The following LEKR1 variants were observed in gnomAD, a reference collection of about 807,000 sequenced individuals.
LEKR1 encodes the protein leucine, glutamate and lysine rich 1, also known as protein LEKR1.
LEKR1 carries 59 observed loss-of-function variants against 72.4 expected under a neutral mutation model. The ratio of observed to expected loss-of-function variants is 0.82; its 90% confidence interval spans 0.66 to 1.01. The LOEUF is 1.01. Among genes scored for constraint, LEKR1 ranks in the 50% least tolerant of loss-of-function variants. The probability of loss-of-function intolerance (pLI) is 0.00; values close to 1 mark genes in which losing one functional copy is unlikely to be tolerated. For missense variants in LEKR1, 728 were observed against 759.2 expected (o/e 0.96, Z 0.48); for synonymous variants, 257 against 263.2 (o/e 0.98, Z 0.23).
At chr3:156,857,650 C>A (rs1026678276) in intron 3 of LEKR1, among the ~76,000 whole-genome samples, 5 of 152,084 alleles carry the variant, frequency 3.3e-5, no homozygotes, top group Non-Finnish European at 7.4e-5. Context: ...TGTTGACACT[C>A]AAGAAGTTTT....
intron 2 of LEKR1, among the ~76,000 whole-genome samples, chr3:156,837,049 G>A (rs1713240463): frequency 6.6e-6 from 1 of 152,058 alleles, no homozygotes; most frequent in Non-Finnish European, 1.5e-5. Flanking sequence ...CTTTAATTAT[G>A]GAGAATAAAA....
At position 157,000,829 on chromosome 3, in the gene LEKR1, T is replaced by A. The variant is rs545878427; in HGVS notation, c.1109+7552T>A. On this transcript the variant is annotated intron_variant, in intron 9 of 12. Transcript: ENST00000356539. ...CCCAAATCTCATCTTGAATTGTAAT[T>A]CCCATAATCTCCAGGTGTCAAGGGA... 8.5e-5 allele frequency among the ~76,000 whole-genome samples: 13 copies of A among 152,306 alleles called. No homozygotes were observed. The South Asian group carries it at 2.7e-3, about 32-fold the overall frequency.
chr3:156,890,233 A>T (rs1188985497), intron 3 of LEKR1, among the ~76,000 whole-genome samples: 1 of 152,192 alleles, frequency 6.6e-6, no homozygotes, highest in African/African-American at 2.4e-5. Flanking sequence ...AAACATTTTA[A>T]TATCAATAAA....
chr3:156,835,362 C>T (rs1712966674), intron 2 of LEKR1, among the ~76,000 whole-genome samples: 1 of 152,202 alleles, frequency 6.6e-6, no homozygotes, highest in Admixed American at 6.5e-5. Flanking sequence ...TGGAGCCCTT[C>T]AAGGAACAGG....
intron 2 of LEKR1, among the ~76,000 whole-genome samples, chr3:156,844,393 C>G (rs1714309576): frequency 6.6e-6 from 1 of 152,022 alleles, no homozygotes; most frequent in Non-Finnish European, 1.5e-5. Flanking sequence ...TAACATCTGG[C>G]AAAACTAAAG....
intron 7 of LEKR1, among the ~76,000 whole-genome samples, chr3:156,981,239 T>C (rs542017944): frequency 3.7e-4 from 57 of 152,216 alleles, no homozygotes; most frequent in Non-Finnish European, 6.5e-4. Flanking sequence ...ACCCCTGTTG[T>C]AAAGCAATGA....
intron 7 of LEKR1, among the ~76,000 whole-genome samples, chr3:156,982,819 A>T (rs1217326182): frequency 6.6e-6 from 1 of 151,334 alleles, no homozygotes; most frequent in African/African-American, 2.4e-5. Flanking sequence ...TACTTTTATT[A>T]CTTTCATATA....
At chr3:156,911,057 G>T (rs938292342) in intron 3 of LEKR1, among the ~76,000 whole-genome samples, 4 of 151,928 alleles carry the variant, frequency 2.6e-5, no homozygotes, top group Admixed American at 2.6e-4. Flanking sequence ...ATCTTATTGT[G>T]GTTTTGATTT....
At chr3:156,863,277 G>T (rs1716968272) in intron 3 of LEKR1, among the ~76,000 whole-genome samples, 1 of 151,958 alleles carries the variant, frequency 6.6e-6, no homozygotes, top group South Asian at 2.1e-4. Flanking sequence ...TAGGCAATAG[G>T]TGGCCACCCC....
chr3:156,845,763 T>C (rs1482957317), intron 2 of LEKR1, among the ~76,000 whole-genome samples: 1 of 152,108 alleles, frequency 6.6e-6, no homozygotes, highest in Non-Finnish European at 1.5e-5. Flanking sequence ...AGGTAGTGAT[T>C]CCCCCCACTT....
At chr3:156,878,614 G>A (rs1718902508) in intron 3 of LEKR1, among the ~76,000 whole-genome samples, 1 of 152,170 alleles carries the variant, frequency 6.6e-6, no homozygotes, top group South Asian at 2.1e-4. Context: ...TTGTTGGGTA[G>A]AATATTCTGT....
intron 5 of LEKR1, among the ~76,000 whole-genome samples, chr3:156,932,022 A>G (rs1341222337): frequency 6.6e-6 from 1 of 152,192 alleles, no homozygotes; most frequent in Admixed American, 6.5e-5. Context: ...TTGAACTCTT[A>G]TCTGTATGAT....
At position 157,032,953 on chromosome 3, in the gene LEKR1, A is replaced by C. The variant is rs576896964; in HGVS notation, c.1668+4551A>C. Among the ~76,000 whole-genome samples the C allele has an allele frequency of 2.0e-5, 3 of 152,180 alleles. No homozygotes were observed. The South Asian group carries it at 6.2e-4, about 32-fold the overall frequency. ...TTCTTGCAATATTTTAAACTCTTTC[A>C]TTATTATTATATCTGTTATGGCCAC... On this transcript the variant is annotated intron_variant, in intron 12 of 12. Coordinates refer to ENST00000356539, the MANE Select transcript of LEKR1 (RefSeq NM_001004316.3).
intron 9 of LEKR1, among the ~76,000 whole-genome samples, chr3:157,010,551 A>G (rs1286960500): frequency 6.6e-6 from 1 of 152,088 alleles, no homozygotes; most frequent in Non-Finnish European, 1.5e-5. Flanking sequence ...GGTCAGAGCT[A>G]AAAGGAAGAG....
chr3:156,999,324 T>C (rs1326891823), intron 9 of LEKR1, among the ~76,000 whole-genome samples: 2 of 152,192 alleles, frequency 1.3e-5, no homozygotes, highest in Non-Finnish European at 2.9e-5. Flanking sequence ...TGTTTTCAAA[T>C]ATATGGCAGG....
chr3:157,041,152 T>C (rs1021544088), intron 12 of LEKR1, among the ~76,000 whole-genome samples: 1 of 152,182 alleles, frequency 6.6e-6, no homozygotes, highest in African/African-American at 2.4e-5. Context: ...AAGGTGGGCT[T>C]ATTCTGAAAA....
intron 3 of LEKR1, among the ~76,000 whole-genome samples, chr3:156,862,422 A>G (rs954315664): frequency 6.6e-6 from 1 of 152,100 alleles, no homozygotes; most frequent in Non-Finnish European, 1.5e-5. Flanking sequence ...TGTGGTATAG[A>G]GTACAGGCTC....
At chr3:157,004,720 A>G (rs1256219688) in intron 9 of LEKR1, among the ~76,000 whole-genome samples, 1 of 152,156 alleles carries the variant, frequency 6.6e-6, no homozygotes, top group Non-Finnish European at 1.5e-5. Context: ...TAACAATTCT[A>G]AATAAGACAG....
At chr3:156,884,962 CTT>C (rs996290928) in intron 3 of LEKR1, among the ~76,000 whole-genome samples, 2 of 151,984 alleles carry the variant, frequency 1.3e-5, no homozygotes, top group African/African-American at 4.8e-5. Flanking sequence ...TTCTTGGAGA[CTT>C]TGTTCATTTT....
Sources: allele counts gnomAD v4.1 joint callset (sites outside exome capture counted in the v4.1 genomes callset), GRCh38; gene constraint gnomAD v4.1.1; transcripts MANE v1.5; gene names NCBI Gene and HGNC (gene_info 2026-07-23, HGNC 2026-07-21).